OTUD7A: variants seen among roughly 807,000 people sequenced by gnomAD.
The protein encoded by OTUD7A is OTU deubiquitinase 7A.
A neutral mutation model predicts 65.7 loss-of-function variants in OTUD7A; 12 were observed. The ratio of observed to expected loss-of-function variants is 0.18; its 90% confidence interval spans 0.12 to 0.30. The LOEUF is 0.30. Among genes scored for constraint, OTUD7A ranks in the 10% least tolerant of loss-of-function variants. OTUD7A has a pLI of 1.00. For missense variants in OTUD7A, 1,148 were observed against 1,304.8 expected (o/e 0.88, Z 1.85); for synonymous variants, 641 against 586.3 (o/e 1.09, Z -1.35).
intron 1 of OTUD7A, among the ~76,000 whole-genome samples, chr15:31,658,515 T>C (rs1462239968): frequency 1.3e-5 from 2 of 152,150 alleles, no homozygotes; most frequent in Non-Finnish European, 2.9e-5. Context: ...GTTCAGGCCA[T>C]GACTGCAGGG....
intron 1 of OTUD7A, among the ~76,000 whole-genome samples, chr15:31,780,290 T>C (rs1895502622): frequency 6.6e-6 from 1 of 151,166 alleles, no homozygotes; most frequent in Admixed American, 6.6e-5. Context: ...TTTACATGTA[T>C]ATATGCATTT....
rs1304348241 is a variant in OTUD7A, at chr15:31,483,557, T to C, written c.2539A>G (p.Thr847Ala). 12 of 1,298,816 alleles carry C rather than the reference T, an allele frequency of 9.2e-6. No individual in the cohort carries two copies. Among genetic ancestry groups the C allele is most frequent in the African/African-American group, 1.6e-5 (1 of 61,278 alleles). 80.5% of individuals were successfully genotyped at this position (1,298,816 alleles called of 1,614,324 possible). Residue 847 changes from threonine (T) to alanine (A), a missense_variant, in exon 13 of 13, where the codon ACG (threonine) becomes GCG (alanine). By Grantham distance (58) the Thr-to-Ala change is moderately conservative. Transcript: ENST00000307050. ...VPGALPGAAG[T>A]AGAAEHKSQT... ...GACTTGTGCTCGGCCGCCCCCGCCG[T>C]CCCCGCCGCGCCCGGTAGGGCCCCG...
In OTUD7A at chr15:31,518,386, T is replaced by A. The variant is rs551019877; in HGVS notation, c.893+7963A>T. 1.3e-4 allele frequency among the ~76,000 whole-genome samples: 20 copies of A among 151,942 alleles called. 1 individual carries two copies. The highest frequency in any genetic ancestry group is 2.4e-4 in the Non-Finnish European group (16 of 67,984). ...TACTCGGGAGGCTGAGGCAGGATCA[T>A]CGCTTGAACCCAGGAGGTGGAGGTT... On this transcript the variant is annotated intron_variant, in intron 8 of 12. Transcript: ENST00000307050.
intron 3 of OTUD7A, among the ~76,000 whole-genome samples, chr15:31,632,897 C>T (rs1229984683): frequency 2.6e-5 from 4 of 152,354 alleles, no homozygotes; most frequent in Admixed American, 6.5e-5. Context: ...ATCAGGGAGA[C>T]TCCGTGGGCG....
chr15:31,618,065 G>A (rs1472333769), intron 3 of OTUD7A, among the ~76,000 whole-genome samples: 7 of 152,108 alleles, frequency 4.6e-5, no homozygotes, highest in East Asian at 3.9e-4. Context: ...TGCTGAGAAT[G>A]ATGGTTTCCA....
intron 1 of OTUD7A, among the ~76,000 whole-genome samples, chr15:31,773,937 A>G (rs1048076338): frequency 6.6e-6 from 1 of 152,238 alleles, no homozygotes; most frequent in African/African-American, 2.4e-5. Context: ...GACAACAAAA[A>G]GAAATAATTA....
At chr15:31,762,295 T>A (rs893278230) in intron 1 of OTUD7A, among the ~76,000 whole-genome samples, 2 of 152,234 alleles carry the variant, frequency 1.3e-5, no homozygotes, top group Non-Finnish European at 2.9e-5. Context: ...CCACAGGAGC[T>A]GTGGTCTCAA....
At chr15:31,843,843 C>T (rs1019912121) in intron 1 of OTUD7A, among the ~76,000 whole-genome samples, 1 of 152,156 alleles carries the variant, frequency 6.6e-6, no homozygotes, top group Non-Finnish European at 1.5e-5. Context: ...CTTTGATGGT[C>T]CCCGATACAC....
At chr15:31,741,820 T>C (rs918516457) in intron 1 of OTUD7A, among the ~76,000 whole-genome samples, 1 of 151,818 alleles carries the variant, frequency 6.6e-6, no homozygotes, top group Non-Finnish European at 1.5e-5. Flanking sequence ...AGAAAGACAA[T>C]GATGAAGATC....
intron 3 of OTUD7A, among the ~76,000 whole-genome samples, chr15:31,605,226 A>T (rs1163679478): frequency 2.0e-5 from 3 of 151,914 alleles, no homozygotes; most frequent in Non-Finnish European, 2.9e-5. Flanking sequence ...GTTATGTGGC[A>T]TGTGTGTGGC....
chr15:31,534,786 C>T (rs1223271635), intron 5 of OTUD7A, among the ~76,000 whole-genome samples: 2 of 152,098 alleles, frequency 1.3e-5, no homozygotes, highest in Non-Finnish European at 2.9e-5. Context: ...GGGACCCCGC[C>T]GACATACACC....
At chr15:31,620,015 T>C (rs964710180) in intron 3 of OTUD7A, among the ~76,000 whole-genome samples, 4 of 152,336 alleles carry the variant, frequency 2.6e-5, no homozygotes, top group Admixed American at 6.5e-5. Flanking sequence ...TCTGCATCTA[T>C]TGAGATAATC....
chr15:31,629,411 A>G (rs1595669427), intron 3 of OTUD7A, among the ~76,000 whole-genome samples: 2 of 152,248 alleles, frequency 1.3e-5, no homozygotes, highest in South Asian at 2.1e-4. Context: ...ATTTGTGTAC[A>G]TTTAACCAGC....
chr15:31,707,884 T>C (rs987001425), intron 1 of OTUD7A, among the ~76,000 whole-genome samples: 2 of 152,136 alleles, frequency 1.3e-5, no homozygotes, highest in African/African-American at 4.8e-5. Flanking sequence ...TAAAAAGTCA[T>C]ACTTGTCATA....
intron 3 of OTUD7A, among the ~76,000 whole-genome samples, chr15:31,597,474 CTTTT>C (rs565236740): frequency 6.9e-6 from 1 of 145,108 alleles, no homozygotes; most frequent in African/African-American, 2.5e-5. Flanking sequence ...CAAGGCCCTC[CTTTT>C]TTTTTTTTTA....
intron 3 of OTUD7A, among the ~76,000 whole-genome samples, chr15:31,610,455 A>G (rs1890367776): frequency 6.6e-6 from 1 of 151,756 alleles, no homozygotes; most frequent in African/African-American, 2.4e-5. Context: ...GAACAAATGG[A>G]CTTAACAGAT....
At chr15:31,608,429 A>T (rs1245138795) in intron 3 of OTUD7A, among the ~76,000 whole-genome samples, 1 of 152,230 alleles carries the variant, frequency 6.6e-6, no homozygotes, top group Non-Finnish European at 1.5e-5. Flanking sequence ...TATTGTTTGA[A>T]GCAGACTTAC....
intron 1 of OTUD7A, among the ~76,000 whole-genome samples, chr15:31,760,698 A>G (rs983134875): frequency 6.6e-6 from 1 of 152,174 alleles, no homozygotes; most frequent in Non-Finnish European, 1.5e-5. Flanking sequence ...TCAGAAATTG[A>G]CAAGCTGACC....
chr15:31,599,865 G>A (rs1372381710), intron 3 of OTUD7A, among the ~76,000 whole-genome samples: 1 of 152,032 alleles, frequency 6.6e-6, no homozygotes, highest in African/African-American at 2.4e-5. Context: ...CAATAGCCGA[G>A]TCGATCAAGC....
Sources: allele counts gnomAD v4.1 joint callset (sites outside exome capture counted in the v4.1 genomes callset), GRCh38; gene constraint gnomAD v4.1.1; transcripts MANE v1.5; gene names NCBI Gene and HGNC (gene_info 2026-07-23, HGNC 2026-07-21).